The following HS6ST3 variants were observed in gnomAD, a reference collection of about 807,000 sequenced individuals.
HS6ST3 encodes heparan sulfate 6-O-sulfotransferase 3, also known as heparan-sulfate 6-O-sulfotransferase 3.
A neutral mutation model predicts 36.7 loss-of-function variants in HS6ST3; 12 were observed. That is an observed-to-expected ratio of 0.33 (90% CI 0.21 to 0.53). The LOEUF is 0.53. Among genes scored for constraint, HS6ST3 ranks in the 20% least tolerant of loss-of-function variants. HS6ST3 has a pLI of 0.95. For missense variants in HS6ST3, 584 were observed against 640.9 expected (o/e 0.91, Z 0.96); for synonymous variants, 240 against 257.5 (o/e 0.93, Z 0.65).
intron 1 of HS6ST3, among the ~76,000 whole-genome samples, chr13:96,530,960 G>A (rs1401509086): frequency 6.6e-6 from 1 of 152,246 alleles, no homozygotes; most frequent in Admixed American, 6.5e-5. Context: ...CATGAGTACT[G>A]TTCAGTTGGT....
At chr13:96,831,980 A>AAAAAAAAAAAAAC (rs1339637754) in intron 1 of HS6ST3, among the ~76,000 whole-genome samples, 4 of 141,906 alleles carry the variant, frequency 2.8e-5, no homozygotes, top group African/African-American at 7.8e-5. Context: ...AAAAAAAAAA[A>AAAAAAAAAAAAAC]CAGAGATTAA....
intron 1 of HS6ST3, among the ~76,000 whole-genome samples, chr13:96,354,696 G>C (rs2055201132): frequency 6.6e-6 from 1 of 152,056 alleles, no homozygotes; most frequent in African/African-American, 2.4e-5. Context: ...GACTTAAAAT[G>C]TAAAAGAAAA....
At position 96,200,003 on chromosome 13, in the gene HS6ST3, A is replaced by G. The variant is rs559485004; in HGVS notation, c.707+108434A>G. ...CTGACACTGAAAATGAATTACATCC[A>G]TGTTTCGAGTCTCCAAATAGAATGT... On this transcript the variant is annotated intron_variant, in intron 1 of 1. Coordinates refer to ENST00000376705, the MANE Select transcript of HS6ST3 (RefSeq NM_153456.4). Among the ~76,000 whole-genome samples, 117 of 152,250 alleles carry G rather than the reference A, an allele frequency of 7.7e-4. 3 individuals are homozygous for G. Among genetic ancestry groups the G allele is most frequent in the Admixed American group, 6.6e-3 (101 of 15,290 alleles).
chr13:96,429,657 A>G (rs756794958), intron 1 of HS6ST3, among the ~76,000 whole-genome samples: 9 of 152,234 alleles, frequency 5.9e-5, no homozygotes, highest in Non-Finnish European at 1.2e-4. Context: ...CAGAGAAATT[A>G]TATTTTCAGC....
intron 1 of HS6ST3, among the ~76,000 whole-genome samples, chr13:96,638,471 C>G (rs1375611591): frequency 2.0e-5 from 3 of 151,910 alleles, no homozygotes; most frequent in Non-Finnish European, 4.4e-5. Context: ...GTGTTTCCAC[C>G]CAGATCTCAT....
In HS6ST3 at chr13:96,114,862, G is replaced by A. The variant is rs61967963; in HGVS notation, c.707+23293G>A. ...TCTTTGTGTTGGGAGCGAAGCTATT[G>A]ACACTGGACCATGACTTCTTTAGTG... On this transcript the variant is annotated intron_variant, in intron 1 of 1. Coordinates refer to ENST00000376705, the MANE Select transcript of HS6ST3 (RefSeq NM_153456.4). Among the ~76,000 whole-genome samples, 1,269 of 152,312 alleles carry A rather than the reference G, an allele frequency of 8.3e-3. 6 individuals are homozygous for A. Among genetic ancestry groups the A allele is most frequent in the Non-Finnish European group, 0.012 (846 of 68,028 alleles).
intron 1 of HS6ST3, among the ~76,000 whole-genome samples, chr13:96,284,724 G>A (rs7337506): frequency 0.35 from 52,984 of 151,822 alleles, 9,470 homozygotes; most frequent in South Asian, 0.4. Context: ...TTTTTTCTAA[G>A]GTTTTTGTAA....
chr13:96,330,568 G>A (rs1469559054), intron 1 of HS6ST3, among the ~76,000 whole-genome samples: 3 of 152,112 alleles, frequency 2.0e-5, no homozygotes, highest in African/African-American at 7.2e-5. Flanking sequence ...AGTCTGATGG[G>A]TTTCCCTTTG....
chr13:96,472,981 A>C (rs999582195), intron 1 of HS6ST3, among the ~76,000 whole-genome samples: 18 of 152,114 alleles, frequency 1.2e-4, no homozygotes, highest in African/African-American at 4.1e-4. Context: ...TGATTTTGTA[A>C]GCATTATTTT....
intron 1 of HS6ST3, among the ~76,000 whole-genome samples, chr13:96,242,796 C>T (rs1594728759): frequency 6.6e-6 from 1 of 152,026 alleles, no homozygotes; most frequent in African/African-American, 2.4e-5. Context: ...ATAGAATTAC[C>T]ATAGAATCCA....
chr13:96,721,095 G>A lies in HS6ST3; in HGVS notation c.708-111395G>A, dbSNP rs188037766. Among the ~76,000 whole-genome samples the A allele has an allele frequency of 4.2e-3, 634 of 152,270 alleles. 1 individual carries two copies. The highest frequency in any genetic ancestry group is 7.0e-3 in the Non-Finnish European group (474 of 68,024). ...TCTGTGGCAAAGTTTTAAATTCTTC[G>A]AAACCCTCTCCTGCTGATTGTCTCT... On this transcript the variant is annotated intron_variant, in intron 1 of 1. Transcript: ENST00000376705.
intron 1 of HS6ST3, chr13:96,169,991 T>C (rs1806796498): frequency 6.6e-6 from 1 of 152,222 alleles, no homozygotes; most frequent in Admixed American, 6.5e-5. Flanking sequence ...GTTAGAATTA[T>C]TGCCTGTTAT....
chr13:96,348,606 G>C (rs568664540), intron 1 of HS6ST3, among the ~76,000 whole-genome samples: 1 of 152,300 alleles, frequency 6.6e-6, no homozygotes, highest in South Asian at 2.1e-4. Flanking sequence ...GTGTTGTAAA[G>C]GTGCCCTCAC....
chr13:96,159,077 G>A (rs1209021271), intron 1 of HS6ST3, among the ~76,000 whole-genome samples: 1 of 152,196 alleles, frequency 6.6e-6, no homozygotes, highest in Non-Finnish European at 1.5e-5. Context: ...TGACAGCAAA[G>A]CCAGGAAGGA....
intron 1 of HS6ST3, among the ~76,000 whole-genome samples, chr13:96,456,908 T>C (rs1422676592): frequency 6.6e-6 from 1 of 152,174 alleles, no homozygotes; most frequent in Non-Finnish European, 1.5e-5. Context: ...ATAGTCATTA[T>C]GCATATTTAA....
intron 1 of HS6ST3, among the ~76,000 whole-genome samples, chr13:96,259,419 A>G (rs1470129872): frequency 6.6e-6 from 1 of 152,206 alleles, no homozygotes; most frequent in Non-Finnish European, 1.5e-5. Context: ...GTGGAAGCAC[A>G]AAGTGGCTCT....
chr13:96,623,615 C>T (rs1242768161), intron 1 of HS6ST3, among the ~76,000 whole-genome samples: 1 of 152,050 alleles, frequency 6.6e-6, no homozygotes, highest in Admixed American at 6.5e-5. Context: ...GCCCCACTTT[C>T]TTATATCTCA....
intron 1 of HS6ST3, among the ~76,000 whole-genome samples, chr13:96,200,166 G>A (rs1465728936): frequency 2.0e-5 from 3 of 152,146 alleles, no homozygotes; most frequent in Non-Finnish European, 4.4e-5. Flanking sequence ...TGGCATAGTT[G>A]GAGGTGGAAC....
chr13:96,386,376 G>A (rs985489192), intron 1 of HS6ST3, among the ~76,000 whole-genome samples: 1 of 152,128 alleles, frequency 6.6e-6, no homozygotes, highest in Non-Finnish European at 1.5e-5. Context: ...GCAGAATGAT[G>A]CCTTTGCCCT....
Sources: allele counts gnomAD v4.1 joint callset (sites outside exome capture counted in the v4.1 genomes callset), GRCh38; gene constraint gnomAD v4.1.1; transcripts MANE v1.5; gene names NCBI Gene and HGNC (gene_info 2026-07-23, HGNC 2026-07-21).